SGIP1: variants seen among roughly 807,000 people sequenced by gnomAD.
The protein encoded by SGIP1 is SH3-containing GRB2-like protein 3-interacting protein 1.
A neutral mutation model predicts 107.5 loss-of-function variants in SGIP1; 38 were observed. The observed-to-expected ratio is 0.35, with a 90% confidence interval of 0.27 to 0.46. SGIP1 has a LOEUF of 0.46. Among genes scored for constraint, SGIP1 ranks in the 20% least tolerant of loss-of-function variants. The probability of loss-of-function intolerance (pLI) is 1.00; values close to 1 mark genes in which losing one functional copy is unlikely to be tolerated. For synonymous variants in SGIP1, 365 were observed against 366.1 expected, an observed-to-expected ratio of 1.00 and a Z score of 0.03; for missense variants, 929 against 1,019.5, an observed-to-expected ratio of 0.91 and a Z score of 1.21.
chr1:66,600,053 T>C (rs1032155443), intron 1 of SGIP1, among the ~76,000 whole-genome samples: 4 of 152,212 alleles, frequency 2.6e-5, no homozygotes, highest in African/African-American at 7.2e-5. Context: ...GTCTCCACTG[T>C]AATGGGTATT....
intron 1 of SGIP1, among the ~76,000 whole-genome samples, chr1:66,587,668 C>T (rs2062847209): frequency 6.6e-6 from 1 of 152,202 alleles, no homozygotes; most frequent in South Asian, 2.1e-4. Context: ...TAGGATACTG[C>T]TAATTCTAGT....
chr1:66,592,077 T>A (rs539751982), intron 1 of SGIP1, among the ~76,000 whole-genome samples: 73 of 152,274 alleles, frequency 4.8e-4, no homozygotes, highest in African/African-American at 1.7e-3. Context: ...GCCTTCCTCT[T>A]ATCTCAACTG....
chr1:66,547,545 T>C (rs1377768776), intron 1 of SGIP1, among the ~76,000 whole-genome samples: 1 of 152,190 alleles, frequency 6.6e-6, no homozygotes, highest in Non-Finnish European at 1.5e-5. Context: ...CCAGTTCAAG[T>C]TGGCACAATG....
intron 1 of SGIP1, among the ~76,000 whole-genome samples, chr1:66,558,898 A>T (rs770091975): frequency 2.0e-5 from 3 of 151,896 alleles, no homozygotes; most frequent in Non-Finnish European, 4.4e-5. Context: ...ACCATGCAGG[A>T]GTTGTGATTT....
chr1:66,738,907 C>G (rs112716012), intron 21 of SGIP1, among the ~76,000 whole-genome samples: 19 of 152,280 alleles, frequency 1.2e-4, no homozygotes, highest in African/African-American at 4.3e-4. Flanking sequence ...TTCCTGACAA[C>G]CCTATGGGTA....
intron 20 of SGIP1, among the ~76,000 whole-genome samples, chr1:66,731,163 C>A (rs965342145): frequency 3.3e-5 from 5 of 152,124 alleles, no homozygotes; most frequent in Non-Finnish European, 5.9e-5. Flanking sequence ...TTCATTCATC[C>A]ATCTCCCCCA....
At chr1:66,692,714 G>A (rs1166855170) in intron 17 of SGIP1, among the ~76,000 whole-genome samples, 1 of 152,162 alleles carries the variant, frequency 6.6e-6, no homozygotes, top group African/African-American at 2.4e-5. Flanking sequence ...ACTTCTTTTT[G>A]ACATTTCCTA....
At chr1:66,604,364 T>C (rs1187157961) in intron 1 of SGIP1, among the ~76,000 whole-genome samples, 1 of 152,206 alleles carries the variant, frequency 6.6e-6, no homozygotes, top group Non-Finnish European at 1.5e-5. Context: ...ATTTCCATCA[T>C]GGTCGTCTCA....
chr1:66,601,691 A>T (rs750951157), intron 1 of SGIP1, among the ~76,000 whole-genome samples: 2 of 152,202 alleles, frequency 1.3e-5, no homozygotes, highest in Non-Finnish European at 2.9e-5. Context: ...AGATACACAT[A>T]TAAAAATCAA....
chr1:66,748,968 A>G lies in SGIP1; in HGVS notation c.*5873A>G, dbSNP rs2094589368. ...TTTAACACTAGTTTATATATCCTTC[A>G]ATAATTGTAAATAAAATAACCAGGA... is the stretch of plus-strand genomic sequence containing the variant. On this transcript the variant is annotated 3_prime_UTR_variant, in exon 25 of 25. Transcript: ENST00000371037. Among the ~76,000 whole-genome samples, 2 of 151,990 alleles carry G rather than the reference A, an allele frequency of 1.3e-5. No homozygotes were observed. The highest frequency in any genetic ancestry group is 1.3e-4 in the Admixed American group (2 of 15,256).
Position 66,741,363 on chromosome 1 carries a change from C to T in SGIP1, c.2391C>T (p.Thr797=), listed in dbSNP as rs1172918796. 5.6e-6 allele frequency: 9 copies of T among 1,611,412 alleles called. No homozygotes were observed. The part of the protein sequence containing the change: ...LVVQFTSEGS[T]LSGCDIELVG... ...TGCAGTTCACAAGTGAAGGAAGCAC[C>T]CTTTCTGGCTGTGACATTGAACTTG... is the stretch of plus-strand genomic sequence containing the variant. Residue 797 remains threonine (T), a synonymous_variant, in exon 24 of 25, where the codon ACC becomes ACT. Transcript: ENST00000371037.
chr1:66,538,138 A>G (rs2054069951), intron 1 of SGIP1, among the ~76,000 whole-genome samples: 6 of 152,172 alleles, frequency 3.9e-5, no homozygotes, highest in Admixed American at 3.9e-4. Context: ...CCTTATAAAC[A>G]CTAAGAACTT....
At chr1:66,729,488 T>C (rs1392444814) in intron 20 of SGIP1, 69 bp downstream of exon 20, 3 of 1,574,602 alleles carry the variant, frequency 1.9e-6, no homozygotes, top group African/African-American at 1.4e-5. Context: ...AGATGAGGGA[T>C]ATATCTTAGC....
chr1:66,679,716 C>A lies in SGIP1; in HGVS notation c.778C>A (p.Pro260Thr). The change falls in exon 14 of 25, where the codon CCA (proline) becomes ACA (threonine). Residue 260 changes from proline (P) to threonine (T), a missense_variant. Pro to Thr is a conservative substitution (Grantham distance 38, BLOSUM62 -1). Coordinates refer to ENST00000371037, the MANE Select transcript of SGIP1 (RefSeq NM_032291.4). ...GCCTCCAAAAAATGTACCAGCTACC[C>A]CACCCCGAACAGGATCCCCCTTAAC... ...PLPPKNVPAT[P>T]PRTGSPLTIG... 1 of 1,605,416 alleles carries A rather than the reference C, an allele frequency of 6.2e-7. No homozygotes were observed. Among genetic ancestry groups the A allele is most frequent in the Middle Eastern group, 1.7e-4 (1 of 6,054 alleles).
intron 12 of SGIP1, among the ~76,000 whole-genome samples, chr1:66,673,953 C>T (rs1409259489): frequency 6.6e-6 from 1 of 151,872 alleles, no homozygotes; most frequent in East Asian, 1.9e-4. Flanking sequence ...TTGCTTGAGC[C>T]CAGGAGTTCG....
chr1:66,652,258 C>T (rs1373697645), intron 7 of SGIP1, among the ~76,000 whole-genome samples: 2 of 152,096 alleles, frequency 1.3e-5, no homozygotes, highest in Non-Finnish European at 2.9e-5. Flanking sequence ...AGAAAAGGTG[C>T]CATTAAATAT....
At chr1:66,702,378 C>G (rs2092018377) in intron 18 of SGIP1, among the ~76,000 whole-genome samples, 1 of 152,180 alleles carries the variant, frequency 6.6e-6, no homozygotes. Flanking sequence ...ACTCAATAAC[C>G]ACGTGATCTT....
At chr1:66,607,374 G>T (rs1448698296) in intron 1 of SGIP1, among the ~76,000 whole-genome samples, 2 of 152,228 alleles carry the variant, frequency 1.3e-5, no homozygotes, top group Non-Finnish European at 2.9e-5. Flanking sequence ...AGACACTGGG[G>T]TGTGGTCTCA....
chr1:66,546,507 T>C (rs1204963595), intron 1 of SGIP1, among the ~76,000 whole-genome samples: 1 of 152,210 alleles, frequency 6.6e-6, no homozygotes, highest in East Asian at 1.9e-4. Context: ...TCCTTAACCC[T>C]TGGTGATCTC....
Sources: allele counts gnomAD v4.1 joint callset (sites outside exome capture counted in the v4.1 genomes callset), GRCh38; gene constraint gnomAD v4.1.1; transcripts MANE v1.5; gene names NCBI Gene and HGNC (gene_info 2026-07-23, HGNC 2026-07-21).